Variants in LHFPL3 observed in about 807,000 individuals in gnomAD.
LHFPL3 encodes the protein LHFPL tetraspan subfamily member 3.
A neutral mutation model predicts 19.3 loss-of-function variants in LHFPL3; 5 were observed. The observed-to-expected ratio is 0.26, with a 90% CI of 0.14 to 0.54. The LOEUF is 0.54. Among genes scored for constraint, LHFPL3 ranks in the 20% least tolerant of loss-of-function variants. LHFPL3 has a pLI of 0.94. For missense variants in LHFPL3, 249 were observed against 307.4 expected (o/e 0.81, Z 1.42); for synonymous variants, 133 against 126.2 (o/e 1.05, Z -0.36).
intron 1 of LHFPL3, among the ~76,000 whole-genome samples, chr7:104,565,707 C>T: frequency 7.1e-6 from 1 of 141,616 alleles, no homozygotes; most frequent in Non-Finnish European, 1.5e-5. Flanking sequence ...TTCCCTGCAC[C>T]TTCCTGTCTG....
At chr7:104,426,685 C>G (rs766142841) in intron 1 of LHFPL3, among the ~76,000 whole-genome samples, 1 of 152,188 alleles carries the variant, frequency 6.6e-6, no homozygotes, top group East Asian at 1.9e-4. Context: ...TTAACTTTGT[C>G]CTGACAGTTC....
At chr7:104,342,688 T>G (rs749503262) in intron 1 of LHFPL3, among the ~76,000 whole-genome samples, 9 of 152,180 alleles carry the variant, frequency 5.9e-5, no homozygotes, top group Non-Finnish European at 1.3e-4. Flanking sequence ...TCTAAATCAA[T>G]ACTTTTTCCG....
intron 1 of LHFPL3, among the ~76,000 whole-genome samples, chr7:104,517,801 C>T (rs556735518): frequency 6.6e-6 from 1 of 152,008 alleles, no homozygotes; most frequent in South Asian, 2.1e-4. Context: ...AGTGACCATG[C>T]CCGGACAATT....
chr7:104,411,824 C>T (rs1231269120), intron 1 of LHFPL3, among the ~76,000 whole-genome samples: 1 of 152,132 alleles, frequency 6.6e-6, no homozygotes, highest in African/African-American at 2.4e-5. Context: ...AAAAATGTTT[C>T]TTTAAACTGG....
At chr7:104,386,057 G>T (rs550949174) in intron 1 of LHFPL3, among the ~76,000 whole-genome samples, 1 of 152,140 alleles carries the variant, frequency 6.6e-6, no homozygotes, top group African/African-American at 2.4e-5. Flanking sequence ...GAGCTTTGTG[G>T]CATTTTTACT....
At chr7:104,436,060 C>T (rs1404725388) in intron 1 of LHFPL3, among the ~76,000 whole-genome samples, 1 of 152,066 alleles carries the variant, frequency 6.6e-6, no homozygotes, top group East Asian at 1.9e-4. Flanking sequence ...TCATTATAGT[C>T]TAGACCTGCA....
rs574556105 is a variant in LHFPL3, at chr7:104,377,831, C to T, written c.445+48607C>T. On this transcript the variant is annotated intron_variant, in intron 1 of 2. Transcript: ENST00000424859. ...TGCATCCTAAATTTTCCCATGTATT[C>T]TCAATAATAATAACTAAGCTTTTAT... is the stretch of plus-strand genomic sequence containing the variant. 8.5e-5 allele frequency among the ~76,000 whole-genome samples: 13 copies of T among 152,284 alleles called. No homozygotes were observed. In the South Asian group the frequency reaches 2.7e-3, roughly 32 times the overall value.
chr7:104,517,211 G>A (rs1262782645), intron 1 of LHFPL3, among the ~76,000 whole-genome samples: 1 of 151,978 alleles, frequency 6.6e-6, no homozygotes, highest in South Asian at 2.1e-4. Flanking sequence ...TAATACCTGG[G>A]TGATGAAATA....
chr7:104,746,220 G>A (rs1415576250), intron 2 of LHFPL3, among the ~76,000 whole-genome samples: 3 of 152,160 alleles, frequency 2.0e-5, no homozygotes, highest in Non-Finnish European at 4.4e-5. Context: ...GCTGAGGCAG[G>A]AGAATCGCTT....
chr7:104,752,736 A>G (rs1021753481), intron 2 of LHFPL3: 7 of 395,966 alleles, frequency 1.8e-5, no homozygotes, highest in Non-Finnish European at 2.7e-5. Flanking sequence ...CTGTAGACGT[A>G]CTCGGGATCT....
At chr7:104,385,664 A>G (rs998385759) in intron 1 of LHFPL3, among the ~76,000 whole-genome samples, 11 of 147,534 alleles carry the variant, frequency 7.5e-5, no homozygotes, top group Non-Finnish European at 1.2e-4. Flanking sequence ...ACTCATGGCA[A>G]TTTATTCATT....
intron 2 of LHFPL3, among the ~76,000 whole-genome samples, chr7:104,773,937 C>A (rs1451265641): frequency 6.6e-6 from 1 of 152,342 alleles, no homozygotes; most frequent in South Asian, 2.1e-4. Flanking sequence ...TTAAGCCACC[C>A]GGGTTGTGGT....
chr7:104,564,524 GAT>G lies in LHFPL3; in HGVS notation c.446-172149_446-172148del, dbSNP rs528913010. Among the ~76,000 whole-genome samples, 14 of 152,316 alleles carry G rather than the reference GAT, an allele frequency of 9.2e-5. No individual in the cohort carries two copies. In the East Asian group the frequency reaches 2.7e-3, roughly 29 times the overall value. ...TTGAATAATATTATGAATCCATCTA[GAT>G]ACCTCATATAATCTGATCATCTAAA... On this transcript the variant is annotated intron_variant, in intron 1 of 2. Transcript: ENST00000424859.
intron 1 of LHFPL3, among the ~76,000 whole-genome samples, chr7:104,394,049 T>C (rs1459285851): frequency 6.6e-6 from 1 of 152,202 alleles, no homozygotes; most frequent in South Asian, 2.1e-4. Context: ...TCTCTGAATA[T>C]ACTAAAAAAT....
At chr7:104,430,297 T>C (rs1199224307) in intron 1 of LHFPL3, among the ~76,000 whole-genome samples, 1 of 144,880 alleles carries the variant, frequency 6.9e-6, no homozygotes, top group Non-Finnish European at 1.5e-5. Flanking sequence ...AGGCACCTCT[T>C]TCTTCTAAAG....
At chr7:104,872,340 C>CA (rs1220380284) in intron 2 of LHFPL3, among the ~76,000 whole-genome samples, 89 of 129,344 alleles carry the variant, frequency 6.9e-4, no homozygotes, top group African/African-American at 1.1e-3. Flanking sequence ...ATGTCTCAAA[C>CA]AAAAAAAAAA....
At chr7:104,873,371 A>G (rs1007551644) in intron 2 of LHFPL3, among the ~76,000 whole-genome samples, 13 of 152,198 alleles carry the variant, frequency 8.5e-5, no homozygotes, top group African/African-American at 3.1e-4. Context: ...AGATCCTATT[A>G]AGACAAACAC....
intron 2 of LHFPL3, among the ~76,000 whole-genome samples, chr7:104,874,088 C>G (rs1791887837): frequency 6.6e-6 from 1 of 152,166 alleles, no homozygotes; most frequent in Non-Finnish European, 1.5e-5. Flanking sequence ...CTAGGACTCC[C>G]AAGAAATGTC....
At chr7:104,387,629 A>G (rs1790974440) in intron 1 of LHFPL3, among the ~76,000 whole-genome samples, 2 of 152,208 alleles carry the variant, frequency 1.3e-5, no homozygotes, top group African/African-American at 4.8e-5. Flanking sequence ...AGGTAGAGAG[A>G]AAAGGGCAGC....
Sources: gnomAD v4.1 joint callset for allele counts (sites outside exome capture counted in the v4.1 genomes callset) on GRCh38, gnomAD v4.1.1 for gene constraint, MANE v1.5 for transcripts, NCBI Gene and HGNC (gene_info 2026-07-23, HGNC 2026-07-21) for gene names.